The following HS6ST3 variants were observed in gnomAD, a reference collection of about 807,000 sequenced individuals.
The protein encoded by HS6ST3 is heparan-sulfate 6-O-sulfotransferase 3.
Under a neutral mutation model 36.7 loss-of-function variants are expected in HS6ST3, and 12 were observed. That is an observed-to-expected ratio of 0.33 (90% CI 0.21 to 0.53). HS6ST3 has a LOEUF of 0.53. HS6ST3 is among the 20% of genes least tolerant of loss of function. The probability of loss-of-function intolerance (pLI) is 0.95; values close to 1 mark genes in which losing one functional copy is unlikely to be tolerated. For missense variants in HS6ST3, 584 were observed against 640.9 expected (o/e 0.91, Z 0.96); for synonymous variants, 240 against 257.5 (o/e 0.93, Z 0.65).
intron 1 of HS6ST3, among the ~76,000 whole-genome samples, chr13:96,463,844 A>G (rs1435062706): frequency 6.6e-6 from 1 of 152,126 alleles, no homozygotes. Flanking sequence ...ATTATTAGTC[A>G]AGGAAAGAAT....
chr13:96,492,229 C>T (rs573617219), intron 1 of HS6ST3, among the ~76,000 whole-genome samples: 1 of 152,288 alleles, frequency 6.6e-6, no homozygotes, highest in African/African-American at 2.4e-5. Context: ...TCTGCTTTTG[C>T]TGCTAAATTC....
chr13:96,789,072 GTTTGT>G (rs952224597), intron 1 of HS6ST3, among the ~76,000 whole-genome samples: 9 of 151,284 alleles, frequency 5.9e-5, no homozygotes, highest in African/African-American at 2.2e-4. Flanking sequence ...TGCTTGTTCC[GTTTGT>G]TTTAATTCTT....
At chr13:96,167,870 T>C (rs954383170) in intron 1 of HS6ST3, among the ~76,000 whole-genome samples, 1 of 152,186 alleles carries the variant, frequency 6.6e-6, no homozygotes, top group South Asian at 2.1e-4. Flanking sequence ...ATAAATAAAC[T>C]CTGTATATGT....
rs533052478 is a variant in HS6ST3, at chr13:96,770,124, A to T, written c.708-62366A>T. Among the ~76,000 whole-genome samples the T allele has an allele frequency of 2.0e-5, 3 of 152,308 alleles. No homozygotes were observed. In the South Asian group the frequency reaches 6.2e-4, roughly 32 times the overall value. ...ATGGCTATTAGGGACAGATATTCTC[A>T]TTAACTCTCAGCTTGTAAATTATGG... On this transcript the variant is annotated intron_variant, in intron 1 of 1. Coordinates refer to ENST00000376705, the MANE Select transcript of HS6ST3 (RefSeq NM_153456.4).
At chr13:96,295,128 C>T (rs2054848647) in intron 1 of HS6ST3, among the ~76,000 whole-genome samples, 1 of 152,094 alleles carries the variant, frequency 6.6e-6, no homozygotes, top group African/African-American at 2.4e-5. Flanking sequence ...TACTTCGCAG[C>T]TGTTTCACCA....
chr13:96,136,605 A>C lies in HS6ST3; in HGVS notation c.707+45036A>C, dbSNP rs1053526544. ...GGCCCCATCTCCAACACTGGGGATT[A>C]TAGTTCGAGATTTGGTGGGGACAAA... is the stretch of plus-strand genomic sequence containing the variant. On this transcript the variant is annotated intron_variant, in intron 1 of 1. Transcript: ENST00000376705. Among the ~76,000 whole-genome samples, 46 of 151,588 alleles carry C rather than the reference A, an allele frequency of 3.0e-4. 1 individual carries two copies. Among genetic ancestry groups the C allele is most frequent in the Non-Finnish European group, 1.2e-4 (8 of 67,912 alleles).
At chr13:96,131,929 A>T (rs1190862876) in intron 1 of HS6ST3, among the ~76,000 whole-genome samples, 1 of 152,218 alleles carries the variant, frequency 6.6e-6, no homozygotes, top group Non-Finnish European at 1.5e-5. Flanking sequence ...AAACTTTTAT[A>T]TGGTACTCTA....
At chr13:96,102,908 A>G (rs575404016) in intron 1 of HS6ST3, among the ~76,000 whole-genome samples, 5 of 152,326 alleles carry the variant, frequency 3.3e-5, no homozygotes, top group Admixed American at 6.5e-5. Context: ...CTATAGAAAC[A>G]CTGTGTAGGC....
intron 1 of HS6ST3, among the ~76,000 whole-genome samples, chr13:96,326,800 G>A (rs1248877858): frequency 6.6e-6 from 1 of 151,706 alleles, no homozygotes; most frequent in African/African-American, 2.4e-5. Flanking sequence ...CACCAACAGT[G>A]TAAAAGTGTT....
At chr13:96,432,369 A>G (rs1232518914) in intron 1 of HS6ST3, among the ~76,000 whole-genome samples, 1 of 152,182 alleles carries the variant, frequency 6.6e-6, no homozygotes, top group Non-Finnish European at 1.5e-5. Flanking sequence ...TCAGATCTTT[A>G]CTAAATAATG....
intron 1 of HS6ST3, among the ~76,000 whole-genome samples, chr13:96,663,638 C>A (rs1211713004): frequency 6.6e-6 from 1 of 152,162 alleles, no homozygotes; most frequent in African/African-American, 2.4e-5. Context: ...CAGCCCTGTT[C>A]CCACTTCTAG....
At chr13:96,817,503 T>A (rs1041900682) in intron 1 of HS6ST3, among the ~76,000 whole-genome samples, 18 of 152,204 alleles carry the variant, frequency 1.2e-4, no homozygotes, top group Non-Finnish European at 1.5e-5. Context: ...AGAAAAATAG[T>A]TCTCAGCACT....
intron 1 of HS6ST3, among the ~76,000 whole-genome samples, chr13:96,434,750 T>C (rs551147168): frequency 6.6e-6 from 1 of 152,266 alleles, no homozygotes; most frequent in Admixed American, 6.6e-5. Flanking sequence ...TGATTGCTTT[T>C]ATGACAACTA....
chr13:96,110,349 G>C (rs2053861951), intron 1 of HS6ST3, among the ~76,000 whole-genome samples: 1 of 151,920 alleles, frequency 6.6e-6, no homozygotes, highest in African/African-American at 2.4e-5. Flanking sequence ...CCCTTCATGA[G>C]GGACCCACCC....
chr13:96,312,644 T>A (rs2054947264), intron 1 of HS6ST3, among the ~76,000 whole-genome samples: 1 of 152,152 alleles, frequency 6.6e-6, no homozygotes, highest in Non-Finnish European at 1.5e-5. Flanking sequence ...TAGCTGTATA[T>A]GCATTTAGAA....
chr13:96,644,637 A>G (rs1431331503), intron 1 of HS6ST3, among the ~76,000 whole-genome samples: 1 of 152,002 alleles, frequency 6.6e-6, no homozygotes, highest in East Asian at 1.9e-4. Flanking sequence ...CATTCTTGGC[A>G]GAATGTGGTG....
At chr13:96,273,907 C>T (rs1421926902) in intron 1 of HS6ST3, among the ~76,000 whole-genome samples, 1 of 140,374 alleles carries the variant, frequency 7.1e-6, no homozygotes, top group Non-Finnish European at 1.6e-5. Context: ...TGTGTGGCTT[C>T]CCTCCCTTCC....
rs769626733 is a variant in HS6ST3 at position 96,671,798 on chromosome 13, T to G, written c.708-160692T>G. ...ATCATCTCTTCAAAGACTCTCCAAA[T>G]AAGGTCACATTCTGAGGTAGGATGG... is the stretch of plus-strand genomic sequence containing the variant. On this transcript the variant is annotated intron_variant, in intron 1 of 1. Coordinates refer to ENST00000376705, the MANE Select transcript of HS6ST3 (RefSeq NM_153456.4). Among the ~76,000 whole-genome samples the G allele has an allele frequency of 6.8e-4, 103 of 152,232 alleles. 2 individuals carry two copies. The highest frequency in any genetic ancestry group is 3.1e-4 in the Non-Finnish European group (21 of 68,010).
intron 1 of HS6ST3, among the ~76,000 whole-genome samples, chr13:96,490,315 G>A (rs991667174): frequency 2.6e-5 from 4 of 152,084 alleles, no homozygotes; most frequent in African/African-American, 9.7e-5. Flanking sequence ...ATGGTAGTAG[G>A]TTCCTAAAGA....
Sources: gnomAD v4.1 joint callset for allele counts (sites outside exome capture counted in the v4.1 genomes callset) on GRCh38, gnomAD v4.1.1 for gene constraint, MANE v1.5 for transcripts, NCBI Gene and HGNC (gene_info 2026-07-23, HGNC 2026-07-21) for gene names.